The following KCTD16 variants were observed in gnomAD, a reference collection of about 807,000 sequenced individuals.
The protein encoded by KCTD16 is BTB/POZ domain-containing protein KCTD16.
A neutral mutation model predicts 33.2 loss-of-function variants in KCTD16; 13 were observed. The observed-to-expected ratio is 0.39, with a 90% confidence interval of 0.25 to 0.62. KCTD16 has a LOEUF of 0.62. Ranked by LOEUF, KCTD16 falls within the 20% of genes least tolerant of loss-of-function variation. KCTD16 has a pLI of 0.50. For synonymous variants in KCTD16, 197 were observed against 195.3 expected, an observed-to-expected ratio of 1.01 and a Z score of -0.07; for missense variants, 441 against 525.1, an observed-to-expected ratio of 0.84 and a Z score of 1.57.
chr5:144,275,572 G>T (rs1220939366), intron 3 of KCTD16, among the ~76,000 whole-genome samples: 1 of 152,188 alleles, frequency 6.6e-6, no homozygotes, highest in African/African-American at 2.4e-5. Flanking sequence ...CGCTTTCCCA[G>T]TTCTGCTTTT....
In KCTD16 at chr5:144,326,205, G is replaced by A. The variant is rs114745715; in HGVS notation, c.832+118659G>A. On this transcript the variant is annotated intron_variant, in intron 3 of 3. Transcript: ENST00000512467. Reference sequence around the variant, plus strand: ...AATCTGTGACTATTTTTCCTCATCAGTTACCATGGGAGGCATCCCTTCAAG... The same window carrying A: ...AATCTGTGACTATTTTTCCTCATCAATTACCATGGGAGGCATCCCTTCAAG... 4.6e-3 allele frequency among the ~76,000 whole-genome samples: 696 copies of A among 152,220 alleles called. 8 individuals are homozygous for A. Among genetic ancestry groups the A allele is most frequent in the African/African-American group, 0.016 (677 of 41,530 alleles).
chr5:144,316,581 C>T (rs1751921794), intron 3 of KCTD16, among the ~76,000 whole-genome samples: 2 of 144,960 alleles, frequency 1.4e-5, no homozygotes, highest in African/African-American at 5.1e-5. Context: ...CGCGATCTCT[C>T]CACTCACTGC....
chr5:144,179,994 TG>T (rs1457129094), intron 2 of KCTD16, among the ~76,000 whole-genome samples: 1 of 152,250 alleles, frequency 6.6e-6, no homozygotes, highest in Non-Finnish European at 1.5e-5. Flanking sequence ...ATCAGTCCTC[TG>T]CCTGGAGAAA....
intron 3 of KCTD16, among the ~76,000 whole-genome samples, chr5:144,441,796 T>A (rs754361974): frequency 1.3e-5 from 2 of 151,430 alleles, no homozygotes; most frequent in Non-Finnish European, 2.9e-5. Context: ...AAGATTTCTT[T>A]CAGCAATTTT....
intron 3 of KCTD16, among the ~76,000 whole-genome samples, chr5:144,455,025 C>A (rs1348968935): frequency 6.6e-6 from 1 of 152,024 alleles, no homozygotes; most frequent in East Asian, 1.9e-4. Context: ...TATCAGGGAT[C>A]TTAAGCTTTG....
intron 3 of KCTD16, among the ~76,000 whole-genome samples, chr5:144,469,145 T>C (rs1754414262): frequency 6.6e-6 from 1 of 152,184 alleles, no homozygotes; most frequent in African/African-American, 2.4e-5. Flanking sequence ...TTCTTTCCCG[T>C]TCTGGATTTA....
rs776145288 is a variant in KCTD16, at chr5:144,206,868, T to C, written c.154T>C (p.Trp52Arg). The change falls in exon 3 of 4, where the codon TGG becomes CGG. Residue 52 changes from tryptophan to arginine, a missense_variant. Around this residue, in one of 3 missense-constraint regions of KCTD16, gnomAD observed 80 missense variants for 88.5 expected, o/e 0.90. Transcript: ENST00000512467. ...GATAAGCATCCCTCATTCCCTCCTG[T>C]GGAAAATGTTTTCCCCAAAGAGAGA... ...TLISIPHSLL[W>R]KMFSPKRDTA... The C allele has an allele frequency of 2.2e-5, 36 of 1,614,044 alleles. 1 individual carries two copies. In the Admixed American group the frequency reaches 5.0e-4, roughly 22 times the overall value.
In KCTD16 at chr5:144,465,779, C is replaced by CTTTTTTT. The variant is rs780109122; in HGVS notation, c.833-7875_833-7874insTTTTTTT. ...TCTTGAACAATTGCTCCAAATTTAA[C>CTTTTTTT]TTTTTTGTTTTTTTTTTTTTTTGCC... On this transcript the variant is annotated intron_variant, in intron 3 of 3. Transcript: ENST00000512467. Among the ~76,000 whole-genome samples the CTTTTTTT allele has an allele frequency of 2.0e-4, 26 of 129,864 alleles. 4 individuals are homozygous for CTTTTTTT. The highest frequency in any genetic ancestry group is 2.2e-4 in the Non-Finnish European group (14 of 62,968). The allele number at this position is 129,864 out of a possible 152,430, so 85.2% of individuals were successfully genotyped here.
intron 3 of KCTD16, among the ~76,000 whole-genome samples, chr5:144,344,296 T>C (rs1051269693): frequency 6.6e-6 from 1 of 151,528 alleles, no homozygotes; most frequent in African/African-American, 2.4e-5. Context: ...GACATAGGCA[T>C]GGGCAAGGAC....
At chr5:144,434,699 A>C (rs768171597) in intron 3 of KCTD16, among the ~76,000 whole-genome samples, 8 of 152,200 alleles carry the variant, frequency 5.3e-5, no homozygotes, top group Non-Finnish European at 1.2e-4. Flanking sequence ...TGAAGTGATT[A>C]GAATATTGGC....
chr5:144,225,510 A>G (rs141409314), intron 3 of KCTD16, among the ~76,000 whole-genome samples: 1 of 147,552 alleles, frequency 6.8e-6, no homozygotes, highest in Non-Finnish European at 1.5e-5. Flanking sequence ...AGAATTTATC[A>G]TTTTCTTCCT....
chr5:144,383,793 C>T (rs906189930), intron 3 of KCTD16, among the ~76,000 whole-genome samples: 1 of 152,140 alleles, frequency 6.6e-6, no homozygotes, highest in Non-Finnish European at 1.5e-5. Context: ...TTATCTTGCT[C>T]ATCCTTTATT....
chr5:144,407,182 T>G (rs1752825925), intron 3 of KCTD16, among the ~76,000 whole-genome samples: 1 of 137,548 alleles, frequency 7.3e-6, no homozygotes, highest in African/African-American at 2.8e-5. Flanking sequence ...AGTTTTCATC[T>G]TTTTTTAAAA....
chr5:144,417,306 C>T (rs1007289668), intron 3 of KCTD16, among the ~76,000 whole-genome samples: 1 of 151,928 alleles, frequency 6.6e-6, no homozygotes, highest in Non-Finnish European at 1.5e-5. Context: ...TATTATTATA[C>T]TTATATTAGT....
Position 144,388,065 on chromosome 5 carries a change from G to GTTTTTTTTTTTTT in KCTD16, c.833-85577_833-85565dup, listed in dbSNP as rs397999492. ...AATCCAGAGTTCAATTTTAGAGCAA[G>GTTTTTTTTTTTTT]TTTTTTTTTTTTTTTTTTTTTTTTT... On this transcript the variant is annotated intron_variant, in intron 3 of 3. Transcript: ENST00000512467. Among the ~76,000 whole-genome samples the GTTTTTTTTTTTTT allele has an allele frequency of 1.2e-3, 92 of 73,662 alleles. 19 individuals are homozygous for GTTTTTTTTTTTTT. Among genetic ancestry groups the GTTTTTTTTTTTTT allele is most frequent in the African/African-American group, 5.3e-3 (86 of 16,102 alleles). 48.3% of individuals were successfully genotyped at this position (73,662 alleles called of 152,430 possible).
intron 3 of KCTD16, among the ~76,000 whole-genome samples, chr5:144,317,185 A>G (rs920199584): frequency 1.3e-5 from 2 of 152,072 alleles, no homozygotes; most frequent in Admixed American, 6.6e-5. Context: ...TGTTTTGGCA[A>G]CCAAGTCTTC....
intron 2 of KCTD16, among the ~76,000 whole-genome samples, chr5:144,191,822 ATTT>A (rs5871869): frequency 2.8e-4 from 41 of 147,554 alleles, no homozygotes; most frequent in African/African-American, 9.4e-4. Flanking sequence ...GCGTATTTCC[ATTT>A]TTTTTTTTTT....
chr5:144,401,957 A>C (rs1752713213), intron 3 of KCTD16, among the ~76,000 whole-genome samples: 2 of 152,198 alleles, frequency 1.3e-5, no homozygotes, highest in South Asian at 4.1e-4. Context: ...TTTGTGGAGC[A>C]CTTACATCCA....
At chr5:144,323,293 T>C (rs1752123211) in intron 3 of KCTD16, among the ~76,000 whole-genome samples, 1 of 152,196 alleles carries the variant, frequency 6.6e-6, no homozygotes, top group Non-Finnish European at 1.5e-5. Context: ...TTTTTGGCTA[T>C]AGATGTGTTT....
Sources: gnomAD v4.1 joint callset for allele counts (sites outside exome capture counted in the v4.1 genomes callset) on GRCh38, gnomAD v4.1.1 for gene constraint, gnomAD v4.1.1 regional missense constraint, MANE v1.5 for transcripts, NCBI Gene and HGNC (gene_info 2026-07-23, HGNC 2026-07-21) for gene names.